The following CCDC146 variants were observed in gnomAD, a reference collection of about 807,000 sequenced individuals.
The protein encoded by CCDC146 is coiled-coil domain-containing protein 146.
A neutral mutation model predicts 119.3 loss-of-function variants in CCDC146; 92 were observed. The observed-to-expected ratio is 0.77, with a 90% confidence interval of 0.65 to 0.92. The LOEUF (loss-of-function observed/expected upper bound fraction) is 0.92. Among genes scored for constraint, CCDC146 ranks in the 40% least tolerant of loss-of-function variants. The pLI is 0.00. For missense variants in CCDC146, 1,000 were observed against 1,103.0 expected, an observed-to-expected ratio of 0.91 and a Z score of 1.32; for synonymous variants, 372 against 371.8, an observed-to-expected ratio of 1.00 and a Z score of -0.01.
chr7:77,191,376 A>G (rs910951439), intron 2 of CCDC146, among the ~76,000 whole-genome samples: 4 of 151,922 alleles, frequency 2.6e-5, no homozygotes, highest in South Asian at 4.2e-4. Flanking sequence ...TACTTTCCCA[A>G]TCATAACTGT....
intron 2 of CCDC146, among the ~76,000 whole-genome samples, chr7:77,183,135 G>A (rs1791614933): frequency 6.6e-6 from 1 of 152,038 alleles, no homozygotes. Context: ...CATCACAACA[G>A]ACGCCTCTCC....
At chr7:77,179,390 C>A (rs1020194949) in intron 2 of CCDC146, among the ~76,000 whole-genome samples, 35 of 152,038 alleles carry the variant, frequency 2.3e-4, no homozygotes, top group African/African-American at 8.2e-4. Flanking sequence ...CAAGAGACAA[C>A]CATAATTAAC....
At chr7:77,199,625 A>C in intron 2 of CCDC146, 2 of 1,614,110 alleles carry the variant, frequency 1.2e-6, no homozygotes, top group Non-Finnish European at 1.7e-6. Flanking sequence ...CTTACCTGGT[A>C]GGGGCACTCC....
intron 4 of CCDC146, among the ~76,000 whole-genome samples, chr7:77,249,063 C>T (rs1280757585): frequency 6.6e-6 from 1 of 152,200 alleles, no homozygotes; most frequent in Non-Finnish European, 1.5e-5. Flanking sequence ...GATCTTCTGA[C>T]TTCTGGATCT....
chr7:77,180,043 T>C (rs67613346), intron 2 of CCDC146, among the ~76,000 whole-genome samples: 18,458 of 152,076 alleles, frequency 0.12, 1,300 homozygotes, highest in Middle Eastern at 0.17. Flanking sequence ...TAATAATTCA[T>C]TGTGTGTGTA....
chr7:77,249,521 C>T lies in CCDC146; in HGVS notation c.450-4985C>T, dbSNP rs371183050. Among the ~76,000 whole-genome samples, 36 of 147,114 alleles carry T rather than the reference C, an allele frequency of 2.4e-4. 1 individual carries two copies. The highest frequency in any genetic ancestry group is 8.7e-4 in the African/African-American group (35 of 40,274). On this transcript the variant is annotated intron_variant, in intron 4 of 18. Transcript: ENST00000285871. ...AAAAAAAAAAAAGAATTCATTAGGTCTTCTCAGAGGATTGACTCTTTTATC... is the reference window on the plus strand; with the variant it reads ...AAAAAAAAAAAAGAATTCATTAGGTTTTCTCAGAGGATTGACTCTTTTATC...
chr7:77,236,401 T>C (rs997928557), intron 2 of CCDC146, among the ~76,000 whole-genome samples: 1 of 152,218 alleles, frequency 6.6e-6, no homozygotes, highest in Non-Finnish European at 1.5e-5. Flanking sequence ...GGAGTGATCG[T>C]GGGTTTTTGG....
Position 77,294,894 on chromosome 7 carries a change from G to T in CCDC146, c.*28G>T. ...ATGTGAACAAATCCAGGCCTCTCAAGGAAAAGACTTCAACCAGGCTTCCTT... is the reference window on the plus strand; with the variant it reads ...ATGTGAACAAATCCAGGCCTCTCAATGAAAAGACTTCAACCAGGCTTCCTT... On this transcript the variant is annotated 3_prime_UTR_variant, in exon 19 of 19. Coordinates refer to ENST00000285871, the MANE Select transcript of CCDC146 (RefSeq NM_020879.3). 1 of 1,586,826 alleles carries T rather than the reference G, an allele frequency of 6.3e-7. No individual in the cohort carries two copies.
chr7:77,238,817 A>G (rs927234098), intron 3 of CCDC146, among the ~76,000 whole-genome samples: 5 of 152,078 alleles, frequency 3.3e-5, no homozygotes, highest in Admixed American at 3.3e-4. Context: ...CCCTAATGAC[A>G]AGTAGCAATG....
chr7:77,236,852 G>T (rs904751369), intron 2 of CCDC146, 95 bp from the exon 3 acceptor site: 2 of 913,440 alleles, frequency 2.2e-6, no homozygotes, highest in East Asian at 2.5e-5. Flanking sequence ...AATGTTTAAT[G>T]GAGGATTTTA....
intron 17 of CCDC146, 109 bp from the exon 18 acceptor site, chr7:77,292,843 C>A: frequency 8.6e-7 from 1 of 1,162,920 alleles, no homozygotes; most frequent in Admixed American, 2.3e-5. Context: ...TTAGACCCTC[C>A]TTCCTTCAGA....
At chr7:77,164,142 C>T (rs1163553084) in intron 1 of CCDC146, among the ~76,000 whole-genome samples, 3 of 151,982 alleles carry the variant, frequency 2.0e-5, no homozygotes, top group African/African-American at 2.4e-5. Context: ...AGATTACAGG[C>T]GTGAGTCACC....
intron 2 of CCDC146, among the ~76,000 whole-genome samples, chr7:77,200,103 T>G (rs937640110): frequency 2.5e-4 from 38 of 152,362 alleles, no homozygotes; most frequent in African/African-American, 7.2e-4. Flanking sequence ...AGTAATTTGG[T>G]ATACTTACGC....
chr7:77,274,697 AG>A, intron 11 of CCDC146, 45 bp downstream of exon 11: 1 of 1,493,050 alleles, frequency 6.7e-7, no homozygotes, highest in Middle Eastern at 1.8e-4. Context: ...ACAAGAGTTC[AG>A]GGTAGCCTCA....
chr7:77,123,697 C>G (rs1005941492), intron 1 of CCDC146, among the ~76,000 whole-genome samples: 10 of 152,124 alleles, frequency 6.6e-5, no homozygotes, highest in African/African-American at 1.9e-4. Flanking sequence ...TTGGGGCTAT[C>G]GTGATAGATA....
intron 2 of CCDC146, among the ~76,000 whole-genome samples, chr7:77,214,056 G>A (rs1792253592): frequency 6.6e-6 from 1 of 152,058 alleles, no homozygotes; most frequent in African/African-American, 2.4e-5. Flanking sequence ...TTTCCACAGG[G>A]GCTGAACTAA....
At chr7:77,154,040 G>A (rs1791145147) in intron 1 of CCDC146, among the ~76,000 whole-genome samples, 2 of 151,544 alleles carry the variant, frequency 1.3e-5, no homozygotes, top group East Asian at 3.9e-4. Flanking sequence ...AGAGAAAGAA[G>A]CCATATCCAA....
intron 17 of CCDC146, among the ~76,000 whole-genome samples, chr7:77,291,851 A>G (rs1334475050): frequency 1.3e-5 from 2 of 152,238 alleles, no homozygotes; most frequent in Non-Finnish European, 2.9e-5. Context: ...CAACATGTCA[A>G]TGTGATGGTT....
intron 2 of CCDC146, among the ~76,000 whole-genome samples, chr7:77,200,732 G>GTT (rs1304916800): frequency 6.6e-6 from 1 of 152,174 alleles, no homozygotes; most frequent in Non-Finnish European, 1.5e-5. Flanking sequence ...ATATCAGCTT[G>GTT]TTCAAAACAT....
Sources: gnomAD v4.1 joint callset for allele counts (sites outside exome capture counted in the v4.1 genomes callset) on GRCh38, gnomAD v4.1.1 for gene constraint, MANE v1.5 for transcripts, NCBI Gene and HGNC (gene_info 2026-07-23, HGNC 2026-07-21) for gene names.